The following COX7B2 variants were observed in gnomAD, a reference collection of about 807,000 sequenced individuals.
COX7B2 encodes cytochrome c oxidase subunit 7B2, mitochondrial.
For missense variants in COX7B2, 109 were observed against 95.9 expected (o/e 1.14, Z -0.57); for synonymous variants, 37 against 32.1 (o/e 1.15, Z -0.51).
intron 2 of COX7B2, among the ~76,000 whole-genome samples, chr4:46,802,054 C>A (rs1718685204): frequency 1.3e-5 from 2 of 152,072 alleles, no homozygotes; most frequent in South Asian, 4.1e-4. Flanking sequence ...TGGTAAATGA[C>A]AACCAGCTTA....
intron 2 of COX7B2, among the ~76,000 whole-genome samples, chr4:46,756,653 T>C (rs997581393): frequency 6.6e-6 from 1 of 151,864 alleles, no homozygotes; most frequent in Non-Finnish European, 1.5e-5. Flanking sequence ...GGGCATACAT[T>C]TCTAAAAGAC....
chr4:46,867,251 G>A (rs1717720711), intron 1 of COX7B2, among the ~76,000 whole-genome samples: 1 of 152,204 alleles, frequency 6.6e-6, no homozygotes, highest in Non-Finnish European at 1.5e-5. Context: ...GCAGGAAGCA[G>A]TTACAGAAGA....
chr4:46,826,124 A>C (rs1011846830), intron 2 of COX7B2, among the ~76,000 whole-genome samples: 19 of 152,174 alleles, frequency 1.2e-4, no homozygotes, highest in Non-Finnish European at 2.1e-4. Flanking sequence ...ATTGCAAACT[A>C]TGCATCTGAC....
chr4:46,821,356 A>G (rs1714268173), intron 2 of COX7B2, among the ~76,000 whole-genome samples: 1 of 152,182 alleles, frequency 6.6e-6, no homozygotes, highest in Non-Finnish European at 1.5e-5. Flanking sequence ...ACCTTCTTTG[A>G]AGTTTGCGGC....
chr4:46,781,944 C>A (rs948865121), intron 2 of COX7B2, among the ~76,000 whole-genome samples: 1 of 152,174 alleles, frequency 6.6e-6, no homozygotes, highest in Non-Finnish European at 1.5e-5. Flanking sequence ...ACCCCCCATC[C>A]CGCCCGGAGG....
chr4:46,814,815 G>A (rs886362288), intron 2 of COX7B2, among the ~76,000 whole-genome samples: 1 of 152,104 alleles, frequency 6.6e-6, no homozygotes, highest in African/African-American at 2.4e-5. Flanking sequence ...TGTATCTGTT[G>A]ATTAAAAAAT....
chr4:46,806,665 CCTAA>C (rs1028798120), intron 2 of COX7B2, among the ~76,000 whole-genome samples: 124 of 152,114 alleles, frequency 8.2e-4, no homozygotes, highest in African/African-American at 2.9e-3. Flanking sequence ...CTTTGTATCC[CCTAA>C]CTTACATCTC....
rs544299147 is a variant in COX7B2, at chr4:46,795,205, T to C, written c.-50+49755A>G. On this transcript the variant is annotated intron_variant, in intron 2 of 2. Transcript: ENST00000355591. ...CTGTGCAGAAGCTCTTTAGTTTAAT[T>C]AGATCCCATTTGTCAATTTTGTCTT... is the stretch of plus-strand genomic sequence containing the variant. 3.5e-3 allele frequency among the ~76,000 whole-genome samples: 439 copies of C among 124,738 alleles called. 4 individuals carry two copies. Among genetic ancestry groups the C allele is most frequent in the Non-Finnish European group, 3.4e-3 (212 of 62,046 alleles). The allele number at this position is 124,738 out of a possible 152,430, so 81.8% of individuals were successfully genotyped here.
intron 2 of COX7B2, among the ~76,000 whole-genome samples, chr4:46,825,308 A>G (rs1714608613): frequency 6.6e-6 from 1 of 152,150 alleles, no homozygotes; most frequent in Non-Finnish European, 1.5e-5. Flanking sequence ...TAAAATACCT[A>G]GGAATACAGC....
chr4:46,840,790 C>G (rs1276923550), intron 2 of COX7B2, among the ~76,000 whole-genome samples: 1 of 151,948 alleles, frequency 6.6e-6, no homozygotes, highest in Non-Finnish European at 1.5e-5. Context: ...GACATAAGGC[C>G]TTTAGTGGCC....
intron 2 of COX7B2, among the ~76,000 whole-genome samples, chr4:46,738,284 G>A (rs1417295179): frequency 2.6e-5 from 4 of 152,048 alleles, no homozygotes; most frequent in Non-Finnish European, 5.9e-5. Flanking sequence ...TGTCTCTAGT[G>A]ACATTGATCA....
At chr4:46,794,402 C>T (rs1375223039) in intron 2 of COX7B2, among the ~76,000 whole-genome samples, 1 of 152,010 alleles carries the variant, frequency 6.6e-6, no homozygotes, top group African/African-American at 2.4e-5. Context: ...TCTAGAAATG[C>T]TTTGGTTTAA....
chr4:46,752,868 G>C (rs558900515), intron 2 of COX7B2, among the ~76,000 whole-genome samples: 1 of 152,114 alleles, frequency 6.6e-6, no homozygotes, highest in African/African-American at 2.4e-5. Flanking sequence ...AGCGATATTG[G>C]TCTAAAATTC....
At chr4:46,776,723 A>G (rs888043423) in intron 2 of COX7B2, among the ~76,000 whole-genome samples, 3 of 152,108 alleles carry the variant, frequency 2.0e-5, no homozygotes, top group Admixed American at 6.6e-5. Context: ...AGATGGAACA[A>G]TAAGATAAAC....
intron 1 of COX7B2, among the ~76,000 whole-genome samples, chr4:46,872,318 CT>C (rs566479951): frequency 7.2e-5 from 11 of 151,974 alleles, no homozygotes; most frequent in Non-Finnish European, 1.3e-4. Context: ...CTGGTGCCTA[CT>C]TGAGGGTGGA....
At chr4:46,827,446 G>C (rs140375589) in intron 2 of COX7B2, among the ~76,000 whole-genome samples, 3 of 152,180 alleles carry the variant, frequency 2.0e-5, no homozygotes, top group Admixed American at 1.3e-4. Context: ...GCCAGAAGAC[G>C]TCAGAATGGC....
intron 2 of COX7B2, among the ~76,000 whole-genome samples, chr4:46,777,716 C>G (rs184441265): frequency 5.8e-4 from 88 of 152,144 alleles, no homozygotes; most frequent in African/African-American, 2.0e-3. Context: ...AAAATAAGAA[C>G]CAAAAGACTA....
At position 46,857,581 on chromosome 4, in the gene COX7B2, A is replaced by G. The variant is rs1717074927; in HGVS notation, c.-104-12567T>C. Among the ~76,000 whole-genome samples the G allele has an allele frequency of 1.3e-5, 2 of 152,152 alleles. 1 individual carries two copies. Among genetic ancestry groups the G allele is most frequent in the South Asian group, 4.1e-4 (2 of 4,830 alleles). The stretch of plus-strand genomic sequence containing the variant: ...GCTTTCAAATTCCTATGATCTATAG[A>G]GCTGGGAGAAAAAGAATTTTAATAC... On this transcript the variant is annotated intron_variant, in intron 1 of 2. Coordinates refer to ENST00000355591, the MANE Select transcript of COX7B2 (RefSeq NM_130902.3).
chr4:46,906,563 A>G (rs1290386561), intron 1 of COX7B2, among the ~76,000 whole-genome samples: 1 of 152,186 alleles, frequency 6.6e-6, no homozygotes, highest in Admixed American at 6.5e-5. Flanking sequence ...TCCAACACAC[A>G]TAGCATTAAT....
Sources: gnomAD v4.1 joint callset for allele counts (sites outside exome capture counted in the v4.1 genomes callset) on GRCh38, gnomAD v4.1.1 for gene constraint, MANE v1.5 for transcripts, NCBI Gene and HGNC (gene_info 2026-07-23, HGNC 2026-07-21) for gene names.